The following INPP5E variants were observed in gnomAD, a reference collection of about 807,000 sequenced individuals.
INPP5E encodes phosphatidylinositol polyphosphate 5-phosphatase type IV.
A neutral mutation model predicts 50.5 loss-of-function variants in INPP5E; 34 were observed. The observed-to-expected ratio is 0.67, with a 90% CI of 0.51 to 0.90. The LOEUF (loss-of-function observed/expected upper bound fraction) is 0.90. Ranked by LOEUF, INPP5E falls within the 40% of genes least tolerant of loss-of-function variation. INPP5E has a pLI of 0.00. For synonymous variants in INPP5E, 447 were observed against 406.0 expected (o/e 1.10, Z -1.21); for missense variants, 942 against 905.5 (o/e 1.04, Z -0.52).
chr9:136,438,444 C>T (rs1835883722), intron 1 of INPP5E, 164 bp downstream of exon 1: 2 of 678,842 alleles, frequency 2.9e-6, no homozygotes, highest in African/African-American at 3.5e-5. Flanking sequence ...AAGGGCGCTG[C>T]TGTGGGGTGG....
chr9:136,438,167 C>T (rs1177395969), intron 1 of INPP5E: 1 of 194,850 alleles, frequency 5.1e-6, no homozygotes, highest in Non-Finnish European at 1.1e-5. Flanking sequence ...CCCAGATTCT[C>T]AGGAGGCTGC....
intron 9 of INPP5E, 51 bp downstream of exon 9, chr9:136,430,226 G>T: frequency 6.5e-7 from 1 of 1,549,088 alleles, no homozygotes; most frequent in Non-Finnish European, 8.7e-7. Flanking sequence ...CTCATGGGAC[G>T]ACGGCACGAC....
chr9:136,433,955 C>T, intron 3 of INPP5E, 82 bp downstream of exon 3: 1 of 1,124,848 alleles, frequency 8.9e-7, no homozygotes, highest in East Asian at 2.5e-5. Flanking sequence ...CCGTGCCCAG[C>T]CATGACCACA....
At position 136,432,329 on chromosome 9, in the gene INPP5E, C is replaced by T. The variant is rs56704890; in HGVS notation, c.1387+150G>A. 9,880 of 694,410 alleles carry T rather than the reference C, an allele frequency of 0.014. 222 individuals are homozygous for T. The highest frequency in any genetic ancestry group is 0.076 in the African/African-American group (4,355 of 57,066). 43.0% of individuals were successfully genotyped at this position (694,410 alleles called of 1,614,324 possible). A position where few individuals can be genotyped will look rare whatever the true frequency, so the allele number is the denominator to read the frequency against. Reference sequence around the variant, plus strand: ...CACCCCACTAACCGTGCTAAAGAACCGCGAGGGGCCATGCGCTGGGGGCAC... The same window carrying T: ...CACCCCACTAACCGTGCTAAAGAACTGCGAGGGGCCATGCGCTGGGGGCAC... On this transcript the variant is annotated intron_variant, in intron 6 of 9. Transcript: ENST00000371712.
Position 136,438,905 on chromosome 9 carries a change from G to A in INPP5E, c.515C>T (p.Pro172Leu), listed in dbSNP as rs770493776. The change falls in exon 1 of 10, where the codon CCG (proline) becomes CTG (leucine). Residue 172 changes from proline (P) to leucine (L), a missense_variant. Transcript: ENST00000371712. The stretch of plus-strand genomic sequence containing the variant: ...CCCCGCCACGGCGGCGTCTCTGTGC[G>A]GGAGGTTCGGGGAGCTGCTGGCCAC... ...SGVASSSPNL[P>L]HRDAAVAGSS... 2 of 1,576,476 alleles carry A rather than the reference G, an allele frequency of 1.3e-6. No individual in the cohort carries two copies. The highest frequency in any genetic ancestry group is 2.3e-5 in the South Asian group (2 of 87,370).
rs1346089220 is a variant in INPP5E at position 136,439,205 on chromosome 9, G to A, written c.215C>T (p.Pro72Leu). Residue 72 changes from proline to leucine, a missense_variant, in exon 1 of 10, where the codon CCG (proline) becomes CTG (leucine). Transcript: ENST00000371712. ...DPPARAAPIAPRPPARPRLER... is the reference protein window; with the variant it reads ...DPPARAAPIALRPPARPRLER... ...CAGTCGAGGCCTGGCGGGGGGCCGC[G>A]GGGCGATGGGTGCTGCTCGGGCTGG... 1.3e-6 allele frequency: 2 copies of A among 1,540,184 alleles called. No individual in the cohort carries two copies.
chr9:136,438,330 G>A (rs1487536416), intron 1 of INPP5E: 4 of 569,092 alleles, frequency 7.0e-6, no homozygotes, highest in Non-Finnish European at 1.3e-5. Flanking sequence ...GACTAAACAA[G>A]AAAAAGCGCC....
chr9:136,438,058 C>G (rs1835866358), intron 1 of INPP5E: 1 of 161,070 alleles, frequency 6.2e-6, no homozygotes, highest in Admixed American at 5.9e-5. Flanking sequence ...TTTGGGAGGC[C>G]GAGGCCAGGA....
intron 3 of INPP5E, among the ~76,000 whole-genome samples, chr9:136,433,551 C>A (rs1835762781): frequency 6.6e-6 from 1 of 152,052 alleles, no homozygotes; most frequent in South Asian, 2.1e-4. Context: ...GACTCATGGG[C>A]CAGGGAGGTG....
At chr9:136,432,274 G>A (rs974933302) in intron 6 of INPP5E, among the ~76,000 whole-genome samples, 2 of 152,204 alleles carry the variant, frequency 1.3e-5, no homozygotes, top group Non-Finnish European at 2.9e-5. Flanking sequence ...ACCCAGGCTA[G>A]TGGGCCACGC....
chr9:136,434,180 C>T, intron 2 of INPP5E, 46 bp from the exon 3 acceptor site: 1 of 1,390,862 alleles, frequency 7.2e-7, no homozygotes, highest in Non-Finnish European at 1.0e-6. Context: ...CCGAAACCTG[C>T]AGGCGCCTGT....
At position 136,439,729 on chromosome 9, in the gene INPP5E, G is replaced by T; in HGVS notation, c.-310C>A. ...ACGGGGACGCCGCTCGGGGAGAGGG[G>T]TGGGAAGCGGGCACCCCTGGCTGGG... On this transcript the variant is annotated 5_prime_UTR_variant, in exon 1 of 10. Coordinates refer to ENST00000371712, the MANE Select transcript of INPP5E (RefSeq NM_019892.6). 1 of 258,642 alleles carries T rather than the reference G, an allele frequency of 3.9e-6. No homozygotes were observed. 16.0% of individuals were successfully genotyped at this position (258,642 alleles called of 1,614,324 possible).
chr9:136,428,979 A>G lies in INPP5E; in HGVS notation c.*696T>C, dbSNP rs1210812990. On this transcript the variant is annotated 3_prime_UTR_variant, in exon 10 of 10. Coordinates refer to ENST00000371712, the MANE Select transcript of INPP5E (RefSeq NM_019892.6). ...GTCACCAAGACCATGAGATGGTTTC[A>G]CACAATAGGCTTGGCCTATGAGAGG... 6.5e-6 allele frequency: 1 copy of G among 154,624 alleles called. No individual in the cohort carries two copies. Among genetic ancestry groups the G allele is most frequent in the African/African-American group, 2.4e-5 (1 of 41,448 alleles). 9.6% of individuals were successfully genotyped at this position (154,624 alleles called of 1,614,324 possible).
intron 3 of INPP5E, 35 bp downstream of exon 3, chr9:136,434,002 C>T (rs760846128): frequency 1.1e-5 from 17 of 1,534,346 alleles, no homozygotes; most frequent in Admixed American, 1.8e-5. Flanking sequence ...ACGGCAGCCC[C>T]TGGGCAGGCA....
chr9:136,438,106 C>A (rs1835868166), intron 1 of INPP5E: 1 of 178,322 alleles, frequency 5.6e-6, no homozygotes, highest in Admixed American at 5.5e-5. Context: ...GAAACCCCGC[C>A]CCTACTAAAA....
Position 136,434,182 on chromosome 9 carries a change from G to A in INPP5E, c.937-48C>T, listed in dbSNP as rs560025625. The A allele has an allele frequency of 1.5e-5, 20 of 1,345,994 alleles. No individual in the cohort carries two copies. The African/African-American group carries it at 2.7e-4, about 18-fold the overall frequency. The allele number at this position is 1,345,994 out of a possible 1,614,324, so 83.4% of individuals were successfully genotyped here. A position where few individuals can be genotyped will look rare whatever the true frequency, so the allele number is the denominator to read the frequency against. On this transcript the variant is annotated intron_variant, in intron 2 of 9. Coordinates refer to ENST00000371712, the MANE Select transcript of INPP5E (RefSeq NM_019892.6). Reference sequence around the variant, plus strand: ...GGGCCGGCTCCTCCCGAAACCTGCAGGCGCCTGTGGGTGAATCCCACTGCG... The same window carrying A: ...GGGCCGGCTCCTCCCGAAACCTGCAAGCGCCTGTGGGTGAATCCCACTGCG...
chr9:136,433,657 C>G (rs931175807), intron 3 of INPP5E, among the ~76,000 whole-genome samples: 3 of 152,224 alleles, frequency 2.0e-5, no homozygotes, highest in African/African-American at 4.8e-5. Context: ...CCTTGGGGCC[C>G]GGCCCTGCTC....
At chr9:136,437,983 C>T (rs1835864492) in intron 1 of INPP5E, 1 of 157,822 alleles carries the variant, frequency 6.3e-6, no homozygotes, top group African/African-American at 2.4e-5. Flanking sequence ...TCTGGGGCCT[C>T]TTGCCGCAGA....
chr9:136,438,752 G>C lies in INPP5E; in HGVS notation c.668C>G (p.Ala223Gly), dbSNP rs1835901909. Residue 223 changes from alanine (A) to glycine (G), a missense_variant, in exon 1 of 10, where the codon GCG becomes GGG. Ala to Gly is a moderately conservative substitution (Grantham distance 60). Coordinates refer to ENST00000371712, the MANE Select transcript of INPP5E (RefSeq NM_019892.6). ...DSDLADYKLR[A>G]QPLLVRAHSS... ...GTGGGCCCGCACCAGGAGCGGCTGC[G>C]CGCGGAGCTTGTAGTCTGCAAGATC... 2 of 1,611,488 alleles carry C rather than the reference G, an allele frequency of 1.2e-6. No individual in the cohort carries two copies. The highest frequency in any genetic ancestry group is 4.5e-5 in the East Asian group (2 of 44,840).
Sources: allele counts gnomAD v4.1 joint callset (sites outside exome capture counted in the v4.1 genomes callset), GRCh38; gene constraint gnomAD v4.1.1; transcripts MANE v1.5; gene names NCBI Gene and HGNC (gene_info 2026-07-23, HGNC 2026-07-21).